The following DNA2 variants were observed in gnomAD, a reference collection of about 807,000 sequenced individuals.
DNA2 encodes the protein DNA replication helicase/nuclease 2.
Under a neutral mutation model 119.1 loss-of-function variants are expected in DNA2, and 101 were observed. That is an observed-to-expected ratio of 0.85 (90% CI 0.72 to 1.00). The LOEUF (loss-of-function observed/expected upper bound fraction) is 1.00, where lower values mean the gene tolerates loss of function less well. DNA2 is among the 50% of genes least tolerant of loss of function. DNA2 has a pLI of 0.00. For synonymous variants in DNA2, 366 were observed against 424.4 expected (o/e 0.86, Z 1.69); for missense variants, 1,121 against 1,255.5 (o/e 0.89, Z 1.62).
At chr10:68,421,741 C>CA (rs897352977) in intron 17 of DNA2, among the ~76,000 whole-genome samples, 7 of 151,008 alleles carry the variant, frequency 4.6e-5, no homozygotes, top group African/African-American at 7.3e-5. Context: ...GACTCCGTCT[C>CA]AAAAAAAGAA....
intron 14 of DNA2, among the ~76,000 whole-genome samples, chr10:68,430,040 C>T (rs71475243): frequency 1.3e-5 from 2 of 151,532 alleles, no homozygotes; most frequent in South Asian, 2.1e-4. Context: ...CCCACCACCA[C>T]GCCCGGCTAA....
At chr10:68,439,412 T>C (rs1023967265) in intron 9 of DNA2, among the ~76,000 whole-genome samples, 2 of 150,912 alleles carry the variant, frequency 1.3e-5, no homozygotes, top group African/African-American at 4.9e-5. Context: ...GAAAAAAAAA[T>C]TTTTGAGGCC....
chr10:68,456,837 TAAA>T (rs1213393803), intron 5 of DNA2, among the ~76,000 whole-genome samples: 1 of 141,256 alleles, frequency 7.1e-6, no homozygotes, highest in African/African-American at 2.6e-5. Context: ...TCTGCCAGTT[TAAA>T]AAAAAAAAAA....
intron 3 of DNA2, 31 bp from the exon 4 acceptor site, chr10:68,465,843 C>T (rs2052320486): frequency 5.5e-6 from 8 of 1,467,870 alleles, no homozygotes; most frequent in Middle Eastern, 1.8e-4. Context: ...GTTTATTTCA[C>T]AACATATTAA....
intron 17 of DNA2, among the ~76,000 whole-genome samples, chr10:68,421,291 G>A (rs996163914): frequency 1.3e-5 from 2 of 151,972 alleles, no homozygotes; most frequent in African/African-American, 4.8e-5. Flanking sequence ...TATACCCTCT[G>A]TCCATTTGTA....
chr10:68,420,058 T>C (rs1352985748), intron 17 of DNA2, among the ~76,000 whole-genome samples, 166 bp from the exon 18 acceptor site: 2 of 152,202 alleles, frequency 1.3e-5, no homozygotes, highest in Admixed American at 6.6e-5. Flanking sequence ...ATTAGTCACT[T>C]TCAGAAAGCC....
At chr10:68,421,701 C>G (rs1165481201) in intron 17 of DNA2, among the ~76,000 whole-genome samples, 3 of 151,472 alleles carry the variant, frequency 2.0e-5, no homozygotes, top group Admixed American at 6.6e-5. Context: ...TGCAGTGAGC[C>G]GAGATCATGC....
Position 68,419,798 on chromosome 10 carries a change from ATTACC to A in DNA2, c.2787_2787+4del, listed in dbSNP as rs762600022. The stretch of plus-strand genomic sequence containing the variant: ...TATTTGCTAGCCTTGAAAATTCTAA[ATTACC>A]TTAACAAAAATGGAGGTTAGGAAAA... On this transcript the variant is annotated splice_donor_variant and splice_donor_region_variant and coding_sequence_variant and intron_variant, in exon 18 of 21. Transcript: ENST00000358410. LOFTEE classifies it high-confidence loss of function. The A allele has an allele frequency of 3.1e-6, 5 of 1,607,434 alleles. No homozygotes were observed. In the African/African-American group the frequency reaches 6.7e-5, roughly 22 times the overall value.
Position 68,430,644 on chromosome 10 carries a change from G to C in DNA2, c.2000C>G (p.Ala667Gly), listed in dbSNP as rs1298645371. ...GGTCAACAAAACGCTAAAACCACAG[G>C]CGTAGAGAATTCTTACCTAATAATG... is the stretch of plus-strand genomic sequence containing the variant. ...TICTLVRILYACGFSVLLTSY... is the reference protein window; with the variant it reads ...TICTLVRILYGCGFSVLLTSY... The change falls in exon 14 of 21, where the codon GCC becomes GGC. Residue 667 changes from alanine (A) to glycine (G), a missense_variant. By Grantham distance (60) the Ala-to-Gly change is moderately conservative. Coordinates refer to ENST00000358410, the MANE Select transcript of DNA2 (RefSeq NM_001080449.3). 24 of 1,590,128 alleles carry C rather than the reference G, an allele frequency of 1.5e-5. No homozygotes were observed. The highest frequency in any genetic ancestry group is 2.1e-5 in the Non-Finnish European group (24 of 1,168,770).
At chr10:68,472,477 G>T (rs1318388824), upstream of DNA2, among the ~76,000 whole-genome samples, 1 of 152,200 alleles carries the variant, frequency 6.6e-6, no homozygotes, top group African/African-American at 2.4e-5. Flanking sequence ...GCTCACGCCT[G>T]TAATCCCAGC....
intron 14 of DNA2, chr10:68,424,656 C>G: frequency 6.2e-7 from 1 of 1,606,652 alleles, no homozygotes; most frequent in Non-Finnish European, 8.5e-7. Flanking sequence ...CATGTCATCC[C>G]CGCTCTCCAA....
chr10:68,417,251 AAGG>A (rs1322170114), intron 19 of DNA2, among the ~76,000 whole-genome samples: 1 of 151,994 alleles, frequency 6.6e-6, no homozygotes. Flanking sequence ...AAAAAAAAAA[AAGG>A]AGACTATCTG....
At chr10:68,439,566 T>G (rs891669322) in intron 9 of DNA2, among the ~76,000 whole-genome samples, 2 of 147,102 alleles carry the variant, frequency 1.4e-5, no homozygotes, top group Admixed American at 1.4e-4. Context: ...AGCCAGGTGC[T>G]GTGGCTCACA....
intron 8 of DNA2, among the ~76,000 whole-genome samples, 160 bp from the exon 9 acceptor site, chr10:68,443,271 G>A (rs1282960234): frequency 6.6e-6 from 1 of 152,146 alleles, no homozygotes; most frequent in Non-Finnish European, 1.5e-5. Flanking sequence ...TAAGCCATAT[G>A]GCTTTTTATA....
chr10:68,418,152 G>A (rs534894421), intron 19 of DNA2, among the ~76,000 whole-genome samples: 5 of 152,264 alleles, frequency 3.3e-5, no homozygotes, highest in South Asian at 2.1e-4. Flanking sequence ...AGTGGCTCAC[G>A]CCTGGAATCC....
rs767274530 is a variant in DNA2 at position 68,431,945 on chromosome 10, T to C, written c.1900A>G (p.Met634Val). 78 of 1,613,566 alleles carry C rather than the reference T, an allele frequency of 4.8e-5. No homozygotes were observed. The highest frequency in any genetic ancestry group is 6.4e-5 in the Non-Finnish European group (75 of 1,179,672). The change falls in exon 13 of 21, where the codon ATG (methionine) becomes GTG (valine). Residue 634 changes from methionine to valine, a missense_variant. Physicochemically the swap from Met to Val is conservative, Grantham distance 21. Transcript: ENST00000358410. Reference sequence around the variant, plus strand: ...TCTTTTGAAAGAAGTACCTTTTTCATCGCTTGCCTCTGAGGCTTATTCAAA... The same window carrying C: ...TCTTTTGAAAGAAGTACCTTTTTCACCGCTTGCCTCTGAGGCTTATTCAAA... ...KGLNKPQRQA[M>V]KKVLLSKDYT... is the part of the protein sequence containing the mutation.
At chr10:68,447,965 C>T (rs1305645917) in intron 6 of DNA2, among the ~76,000 whole-genome samples, 1 of 136,582 alleles carries the variant, frequency 7.3e-6, no homozygotes, top group East Asian at 2.1e-4. Flanking sequence ...GCCTGGGTGA[C>T]AGTGAGACTC....
chr10:68,437,146 T>C lies in DNA2; in HGVS notation c.1511A>G (p.His504Arg), dbSNP rs1472544570. 4 of 1,613,858 alleles carry C rather than the reference T, an allele frequency of 2.5e-6. No individual in the cohort carries two copies. Among genetic ancestry groups the C allele is most frequent in the Admixed American group, 1.7e-5 (1 of 60,000 alleles). Residue 504 changes from histidine (H) to arginine (R), a missense_variant, in exon 10 of 21, where the codon CAT becomes CGT. By Grantham distance (29) the His-to-Arg change is conservative (BLOSUM62 0). Coordinates refer to ENST00000358410, the MANE Select transcript of DNA2 (RefSeq NM_001080449.3). ...TAGATTTGTGACAGGTATGGCACCATGTTTACATTGGAAATTATGTAAATA... is the reference window on the plus strand; with the variant it reads ...TAGATTTGTGACAGGTATGGCACCACGTTTACATTGGAAATTATGTAAATA... ...GQYLHNFQCK[H>R]GAIPVTNLMA...
chr10:68,425,626 C>T (rs1219876723), intron 14 of DNA2, among the ~76,000 whole-genome samples: 1 of 151,818 alleles, frequency 6.6e-6, no homozygotes, highest in Non-Finnish European at 1.5e-5. Flanking sequence ...TGGTCTCCAT[C>T]TCCTGACCTC....
Sources: allele counts gnomAD v4.1 joint callset (sites outside exome capture counted in the v4.1 genomes callset), GRCh38; gene constraint gnomAD v4.1.1; transcripts MANE v1.5; gene names NCBI Gene and HGNC (gene_info 2026-07-23, HGNC 2026-07-21).